The following USP49 variants were observed in gnomAD, a reference collection of about 807,000 sequenced individuals.
USP49 encodes the protein ubiquitin carboxyl-terminal hydrolase 49.
A neutral mutation model predicts 58.6 loss-of-function variants in USP49; 24 were observed. The observed-to-expected ratio is 0.41, with a 90% confidence interval of 0.30 to 0.58. The LOEUF is 0.58. Among genes scored for constraint, USP49 ranks in the 20% least tolerant of loss-of-function variants. The probability of loss-of-function intolerance (pLI) is 0.30; values close to 1 mark genes in which losing one functional copy is unlikely to be tolerated. For missense variants in USP49, 703 were observed against 866.1 expected (o/e 0.81, Z 2.36); for synonymous variants, 408 against 365.1 (o/e 1.12, Z -1.34).
chr6:41,859,971 C>A (rs1230901302), intron 3 of USP49, among the ~76,000 whole-genome samples: 3 of 152,182 alleles, frequency 2.0e-5, no homozygotes, highest in Non-Finnish European at 4.4e-5. Context: ...GCAAGAGCCA[C>A]TAGCTAATAG....
chr6:41,822,923 A>T (rs1175342266), intron 3 of USP49, among the ~76,000 whole-genome samples: 2 of 152,228 alleles, frequency 1.3e-5, no homozygotes, highest in Non-Finnish European at 2.9e-5. Flanking sequence ...AAATAAATAC[A>T]GAAGGAGAAC....
At position 41,797,608 on chromosome 6, in the gene USP49, T is replaced by TG. The variant is rs1349581038; in HGVS notation, c.1877-886dup. On this transcript the variant is annotated intron_variant, in intron 7 of 7. Coordinates refer to ENST00000682992, the MANE Select transcript of USP49 (RefSeq NM_001286554.2). ...GGCCCTTGCATCCCCACACTTCCCA[T>TG]GGCAGGGGAAGTAGTAAGAACATAG... 9 of 985,774 alleles carry TG rather than the reference T, an allele frequency of 9.1e-6. No homozygotes were observed. In the South Asian group the frequency reaches 3.3e-4, roughly 36 times the overall value. The allele number at this position is 985,774 out of a possible 1,614,324, so 61.1% of individuals were successfully genotyped here. A position where few individuals can be genotyped will look rare whatever the true frequency, so the allele number is the denominator to read the frequency against.
chr6:41,881,064 C>T (rs1383176885), intron 2 of USP49, among the ~76,000 whole-genome samples: 1 of 151,786 alleles, frequency 6.6e-6, no homozygotes, highest in African/African-American at 2.4e-5. Flanking sequence ...TCCCGAGTAG[C>T]TGGGATTACA....
chr6:41,845,653 T>C (rs956168762), intron 3 of USP49, among the ~76,000 whole-genome samples: 1 of 151,836 alleles, frequency 6.6e-6, no homozygotes, highest in African/African-American at 2.4e-5. Context: ...CACCTGAGAA[T>C]AGCCACTGCA....
At chr6:41,889,028 C>A (rs1168047487) in intron 2 of USP49, among the ~76,000 whole-genome samples, 4 of 151,502 alleles carry the variant, frequency 2.6e-5, no homozygotes, top group Non-Finnish European at 1.5e-5. Flanking sequence ...TAATCCCAAT[C>A]AATTTTTTTT....
At chr6:41,888,243 C>T (rs1283989149) in intron 2 of USP49, among the ~76,000 whole-genome samples, 1 of 151,706 alleles carries the variant, frequency 6.6e-6, no homozygotes, top group African/African-American at 2.4e-5. Context: ...TTAGCAGAGA[C>T]AGGGTTTCAC....
intron 3 of USP49, among the ~76,000 whole-genome samples, chr6:41,850,914 T>C (rs952651535): frequency 6.6e-6 from 1 of 151,650 alleles, no homozygotes; most frequent in Non-Finnish European, 1.5e-5. Context: ...GATAAATTCT[T>C]AGAAACACAC....
chr6:41,804,114 A>C, intron 4 of USP49, 104 bp from the exon 5 acceptor site: 1 of 972,368 alleles, frequency 1.0e-6, no homozygotes, highest in Non-Finnish European at 1.5e-6. Context: ...TAAGTGTATA[A>C]TTTTCAAAAA....
At chr6:41,865,001 T>C (rs1774285159) in intron 3 of USP49, among the ~76,000 whole-genome samples, 1 of 152,174 alleles carries the variant, frequency 6.6e-6, no homozygotes. Context: ...ACAATTAGAA[T>C]AAATTTAACA....
At chr6:41,817,588 T>C (rs1773379891) in intron 3 of USP49, among the ~76,000 whole-genome samples, 1 of 150,818 alleles carries the variant, frequency 6.6e-6, no homozygotes, top group East Asian at 2.0e-4. Flanking sequence ...GCCTCCCGAG[T>C]AGCTGGGATT....
chr6:41,829,746 T>C (rs1213277328), intron 3 of USP49, among the ~76,000 whole-genome samples: 1 of 152,238 alleles, frequency 6.6e-6, no homozygotes, highest in Non-Finnish European at 1.5e-5. Flanking sequence ...GTGGGCACCA[T>C]GTACTGTTCT....
chr6:41,835,344 C>T (rs1234654630), intron 3 of USP49, among the ~76,000 whole-genome samples: 1 of 152,108 alleles, frequency 6.6e-6, no homozygotes, highest in African/African-American at 2.4e-5. Context: ...AATTTAATTG[C>T]AATTTAGATT....
chr6:41,852,697 G>A (rs879177247), intron 3 of USP49, among the ~76,000 whole-genome samples: 2 of 152,108 alleles, frequency 1.3e-5, no homozygotes, highest in African/African-American at 4.8e-5. Context: ...AATCCCAGCA[G>A]CAATTTTCTG....
intron 3 of USP49, among the ~76,000 whole-genome samples, chr6:41,863,183 T>C (rs1774253040): frequency 6.6e-6 from 1 of 152,224 alleles, no homozygotes; most frequent in Non-Finnish European, 1.5e-5. Context: ...CTTGAAAACC[T>C]GACTTTCTCT....
intron 3 of USP49, among the ~76,000 whole-genome samples, chr6:41,822,689 T>C (rs1338110071): frequency 2.0e-5 from 3 of 151,784 alleles, no homozygotes; most frequent in East Asian, 1.9e-4. Flanking sequence ...CTACTAAAAA[T>C]ACAAATTTAG....
intron 3 of USP49, among the ~76,000 whole-genome samples, chr6:41,808,715 A>T (rs1712010871): frequency 6.6e-6 from 1 of 151,332 alleles, no homozygotes; most frequent in African/African-American, 2.4e-5. Flanking sequence ...AGGCTGCTAT[A>T]CAACTATTTT....
chr6:41,871,264 G>T (rs528594948), intron 3 of USP49, among the ~76,000 whole-genome samples: 1 of 152,086 alleles, frequency 6.6e-6, no homozygotes, highest in African/African-American at 2.4e-5. Context: ...TGACAGATAC[G>T]ATCTCTATCT....
intron 2 of USP49, 60 bp downstream of exon 2, chr6:41,891,734 A>G (rs1180929610): frequency 6.6e-6 from 1 of 152,218 alleles, no homozygotes; most frequent in Non-Finnish European, 1.5e-5. Flanking sequence ...GATTATCTAC[A>G]GAGGTTACCA....
rs576424801 is a variant in USP49, at chr6:41,829,473, C to T, written c.-28-22462G>A. ...GGATTACAGGCATGCAACACAATGC[C>T]CGGCTAATTTTGTATTTTTAGTAGA... On this transcript the variant is annotated intron_variant, in intron 3 of 7. Transcript: ENST00000682992. 4.6e-5 allele frequency among the ~76,000 whole-genome samples: 7 copies of T among 152,226 alleles called. No homozygotes were observed. The South Asian group carries it at 1.5e-3, about 32-fold the overall frequency.
Sources: gnomAD v4.1 joint callset for allele counts (sites outside exome capture counted in the v4.1 genomes callset) on GRCh38, gnomAD v4.1.1 for gene constraint, MANE v1.5 for transcripts, NCBI Gene and HGNC (gene_info 2026-07-23, HGNC 2026-07-21) for gene names.